The following DPYD variants were observed in gnomAD, a reference collection of about 807,000 sequenced individuals.
DPYD encodes dihydropyrimidine dehydrogenase [NADP(+)].
Under a neutral mutation model 116.2 loss-of-function variants are expected in DPYD, and 109 were observed. The observed-to-expected ratio is 0.94, with a 90% CI of 0.80 to 1.10. The LOEUF (loss-of-function observed/expected upper bound fraction) is 1.10. Ranked by LOEUF, DPYD falls within the 50% of genes least tolerant of loss-of-function variation. DPYD has a pLI of 0.00. For missense variants in DPYD, 1,302 were observed against 1,254.5 expected (o/e 1.04, Z -0.57); for synonymous variants, 440 against 432.0 (o/e 1.02, Z -0.23).
intron 20 of DPYD, among the ~76,000 whole-genome samples, chr1:97,191,818 T>A (rs768964839): frequency 6.6e-6 from 1 of 152,160 alleles, no homozygotes; most frequent in African/African-American, 2.4e-5. Context: ...TTTTTAGTTA[T>A]AAGCAACCTT....
chr1:97,167,113 G>A (rs1656382004), intron 20 of DPYD, among the ~76,000 whole-genome samples: 1 of 152,044 alleles, frequency 6.6e-6, no homozygotes, highest in South Asian at 2.1e-4. Flanking sequence ...TTATATTTCA[G>A]TTTTCCTGGT....
At chr1:97,394,348 T>C (rs1043368042) in intron 14 of DPYD, 2 of 152,116 alleles carry the variant, frequency 1.3e-5, no homozygotes, top group African/African-American at 2.4e-5. Context: ...TTTCGTGTTT[T>C]AGTCATGAAG....
intron 3 of DPYD, among the ~76,000 whole-genome samples, chr1:97,810,988 T>G (rs979541517): frequency 1.3e-5 from 2 of 152,146 alleles, no homozygotes; most frequent in Non-Finnish European, 2.9e-5. Flanking sequence ...CTTCAGTTAC[T>G]TTCATCTACC....
chr1:97,379,923 G>A (rs551030176), intron 15 of DPYD, among the ~76,000 whole-genome samples: 1 of 152,152 alleles, frequency 6.6e-6, no homozygotes, highest in Non-Finnish European at 1.5e-5. Flanking sequence ...TGAGCAATTG[G>A]CTCCATTTCC....
At chr1:97,601,047 G>T (rs1191879087) in intron 8 of DPYD, among the ~76,000 whole-genome samples, 1 of 152,062 alleles carries the variant, frequency 6.6e-6, no homozygotes, top group Non-Finnish European at 1.5e-5. Flanking sequence ...ATTCAAATTG[G>T]AGCATTAAGA....
intron 8 of DPYD, among the ~76,000 whole-genome samples, chr1:97,613,645 G>A (rs72732380): frequency 0.01 from 1,585 of 152,066 alleles, 18 homozygotes; most frequent in Middle Eastern, 0.017. Flanking sequence ...AATTATAAAT[G>A]GAAAGAGCTA....
At chr1:97,166,612 G>A (rs1042135051) in intron 20 of DPYD, among the ~76,000 whole-genome samples, 4 of 152,058 alleles carry the variant, frequency 2.6e-5, no homozygotes, top group Non-Finnish European at 5.9e-5. Flanking sequence ...TAAAGCTTAG[G>A]TGTCATACAA....
At chr1:97,467,983 G>C (rs1371137036) in intron 13 of DPYD, among the ~76,000 whole-genome samples, 1 of 152,056 alleles carries the variant, frequency 6.6e-6, no homozygotes, top group Non-Finnish European at 1.5e-5. Flanking sequence ...TCCAGAGCAG[G>C]GGTTGACAAA....
intron 8 of DPYD, among the ~76,000 whole-genome samples, chr1:97,618,084 G>A (rs1454931543): frequency 6.6e-6 from 1 of 152,110 alleles, no homozygotes; most frequent in Admixed American, 6.6e-5. Context: ...ACCCCTTTAA[G>A]TGTTGTCACC....
At chr1:97,134,883 C>G (rs948161839) in intron 20 of DPYD, among the ~76,000 whole-genome samples, 1 of 152,042 alleles carries the variant, frequency 6.6e-6, no homozygotes, top group African/African-American at 2.4e-5. Flanking sequence ...TTGAAAGTAC[C>G]TCAGTGTTGG....
intron 20 of DPYD, among the ~76,000 whole-genome samples, chr1:97,187,752 G>C (rs1323933347): frequency 6.6e-6 from 1 of 152,050 alleles, no homozygotes; most frequent in East Asian, 1.9e-4. Context: ...TTTAAATATG[G>C]TTAGAGGTAG....
intron 16 of DPYD, among the ~76,000 whole-genome samples, chr1:97,352,563 T>TAA (rs71747807): frequency 3.1e-4 from 43 of 136,700 alleles, no homozygotes; most frequent in East Asian, 1.1e-3. Context: ...CCTGAAATAG[T>TAA]AAAAAAAAAA....
intron 13 of DPYD, among the ~76,000 whole-genome samples, chr1:97,461,288 C>A (rs184395914): frequency 3.0e-4 from 46 of 152,226 alleles, no homozygotes; most frequent in Admixed American, 2.9e-3. Context: ...TGTGGGACTT[C>A]CGTATATATG....
intron 8 of DPYD, among the ~76,000 whole-genome samples, chr1:97,651,247 C>G (rs1438840485): frequency 2.0e-5 from 3 of 152,038 alleles, no homozygotes; most frequent in African/African-American, 7.2e-5. Flanking sequence ...CCAACTGAGG[C>G]GATTTTATGA....
At chr1:97,130,074 G>C (rs1653157607) in intron 20 of DPYD, among the ~76,000 whole-genome samples, 1 of 152,036 alleles carries the variant, frequency 6.6e-6, no homozygotes, top group Non-Finnish European at 1.5e-5. Context: ...CTCTCATGTT[G>C]TCCACCACCG....
chr1:97,356,832 T>C (rs538277103), intron 16 of DPYD, among the ~76,000 whole-genome samples: 3 of 152,346 alleles, frequency 2.0e-5, no homozygotes, highest in East Asian at 1.9e-4. Flanking sequence ...TGACTATATA[T>C]GAATAGGTTC....
At chr1:97,780,362 C>T (rs1666671637) in intron 3 of DPYD, among the ~76,000 whole-genome samples, 1 of 152,124 alleles carries the variant, frequency 6.6e-6, no homozygotes, top group African/African-American at 2.4e-5. Context: ...GTCATGAACA[C>T]TGAAAATTCA....
intron 14 of DPYD, among the ~76,000 whole-genome samples, chr1:97,423,565 T>A (rs886935635): frequency 3.9e-5 from 6 of 152,080 alleles, no homozygotes; most frequent in Admixed American, 1.3e-4. Flanking sequence ...TAATGCATTG[T>A]CCTAAAGCTC....
chr1:97,724,414 T>G (rs1663119252), intron 4 of DPYD, among the ~76,000 whole-genome samples: 1 of 150,644 alleles, frequency 6.6e-6, no homozygotes, highest in South Asian at 2.1e-4. Context: ...CCTGCAAATT[T>G]CCAAGATCTG....
Sources: allele counts gnomAD v4.1 joint callset (sites outside exome capture counted in the v4.1 genomes callset), GRCh38; gene constraint gnomAD v4.1.1; transcripts MANE v1.5; gene names NCBI Gene and HGNC (gene_info 2026-07-23, HGNC 2026-07-21).